Variants in POU2F1 observed in about 807,000 individuals in gnomAD.
POU2F1 encodes POU domain, class 2, transcription factor 1.
POU2F1 carries 16 observed loss-of-function variants against 84.9 expected under a neutral mutation model. The observed-to-expected ratio is 0.19, with a 90% CI of 0.13 to 0.29. The LOEUF (loss-of-function observed/expected upper bound fraction) is 0.29, where lower values mean the gene tolerates loss of function less well. Among genes scored for constraint, POU2F1 ranks in the 10% least tolerant of loss-of-function variants. POU2F1 has a pLI of 1.00. For synonymous variants in POU2F1, 368 were observed against 368.3 expected (o/e 1.00, Z 0.01); for missense variants, 738 against 942.6 (o/e 0.78, Z 2.84).
intron 2 of POU2F1, among the ~76,000 whole-genome samples, chr1:167,358,738 G>GA (rs1553214033): frequency 0.036 from 180 of 5,042 alleles, 6 homozygotes; most frequent in African/African-American, 0.075. Context: ...TTTTTTTTTT[G>GA]AGACAGGTTC....
At chr1:167,322,651 G>A (rs1011637391) in intron 1 of POU2F1, among the ~76,000 whole-genome samples, 11 of 152,242 alleles carry the variant, frequency 7.2e-5, no homozygotes, top group Admixed American at 2.0e-4. Context: ...ACCCAGTGGC[G>A]CTAGAGGAAT....
intron 1 of POU2F1, among the ~76,000 whole-genome samples, chr1:167,304,902 AT>A (rs1404289611): frequency 1.3e-5 from 2 of 152,212 alleles, no homozygotes; most frequent in Non-Finnish European, 2.9e-5. Flanking sequence ...ATGAAAAAAA[AT>A]GATGTTATAG....
In POU2F1 at chr1:167,255,723, A is replaced by G. The variant is rs373275556; in HGVS notation, c.61+34765A>G. ...AGGAAGAGGATTGGAAAAAAGAACC[A>G]TAAGGAGGTGGAATCTTTGAGAATC... is the stretch of plus-strand genomic sequence containing the variant. On this transcript the variant is annotated intron_variant, in intron 1 of 15. Transcript: ENST00000367866. Among the ~76,000 whole-genome samples the G allele has an allele frequency of 1.7e-4, 26 of 152,260 alleles. No homozygotes were observed. The East Asian group carries it at 3.5e-3, about 20-fold the overall frequency.
intron 2 of POU2F1, among the ~76,000 whole-genome samples, chr1:167,357,801 A>ATTTTTT (rs71572451): frequency 1.7e-5 from 2 of 119,222 alleles, no homozygotes; most frequent in Non-Finnish European, 3.5e-5. Flanking sequence ...TTATTAATTG[A>ATTTTTT]TTTTTTTTTT....
At chr1:167,345,282 T>G (rs1357756090) in intron 2 of POU2F1, among the ~76,000 whole-genome samples, 1 of 152,146 alleles carries the variant, frequency 6.6e-6, no homozygotes, top group Non-Finnish European at 1.5e-5. Flanking sequence ...AGAAGATTCC[T>G]TTTTTTGTTG....
chr1:167,324,477 A>G (rs1323617785), intron 1 of POU2F1, among the ~76,000 whole-genome samples: 1 of 151,388 alleles, frequency 6.6e-6, no homozygotes, highest in African/African-American at 2.5e-5. Context: ...TGGTGAATGA[A>G]TGTGTATTTA....
rs117098884 is a variant in POU2F1 at position 167,391,944 on chromosome 1, G to A, written c.987+2183G>A. Among the ~76,000 whole-genome samples the A allele has an allele frequency of 3.1e-3, 475 of 152,234 alleles. 22 individuals are homozygous for A. In the East Asian group the frequency reaches 0.082, roughly 26 times the overall value. The stretch of plus-strand genomic sequence containing the variant: ...ATGTAATGATTTTTTAAATAGGCAT[G>A]ATTTTAGAGGAAATACAGTTACATT... On this transcript the variant is annotated intron_variant, in intron 9 of 15. Transcript: ENST00000367866.
At chr1:167,365,784 T>C (rs1169796214) in intron 3 of POU2F1, among the ~76,000 whole-genome samples, 1 of 152,244 alleles carries the variant, frequency 6.6e-6, no homozygotes, top group Admixed American at 6.5e-5. Flanking sequence ...ACAAAAGAAT[T>C]CCTTGTTGTG....
intron 1 of POU2F1, among the ~76,000 whole-genome samples, chr1:167,287,674 T>A (rs1653629476): frequency 6.6e-6 from 1 of 152,100 alleles, no homozygotes; most frequent in Non-Finnish European, 1.5e-5. Flanking sequence ...TAGAATGAGG[T>A]TCAAAATGAA....
chr1:167,250,506 T>G (rs1169308210), intron 1 of POU2F1, among the ~76,000 whole-genome samples: 1 of 152,200 alleles, frequency 6.6e-6, no homozygotes, highest in Non-Finnish European at 1.5e-5. Context: ...ACAGGAACAT[T>G]AGAGAAAAAA....
At chr1:167,221,318 C>T (rs1049537782) in intron 1 of POU2F1, among the ~76,000 whole-genome samples, 7 of 150,276 alleles carry the variant, frequency 4.7e-5, no homozygotes, top group Non-Finnish European at 8.9e-5. Context: ...GGGTCCGCGG[C>T]GGGGCGGCGG....
intron 1 of POU2F1, among the ~76,000 whole-genome samples, chr1:167,248,081 T>C (rs1267053392): frequency 6.6e-6 from 1 of 152,222 alleles, no homozygotes; most frequent in African/African-American, 2.4e-5. Context: ...TGTTATCAGA[T>C]TTATTTTGGA....
intron 1 of POU2F1, among the ~76,000 whole-genome samples, chr1:167,255,046 C>G (rs1181559994): frequency 6.6e-6 from 1 of 152,120 alleles, no homozygotes; most frequent in Non-Finnish European, 1.5e-5. Flanking sequence ...CTAGGAGATT[C>G]TTGTTTGGTA....
At chr1:167,363,915 A>G (rs750198973) in intron 2 of POU2F1, among the ~76,000 whole-genome samples, 6 of 152,192 alleles carry the variant, frequency 3.9e-5, no homozygotes, top group Non-Finnish European at 8.8e-5. Context: ...TCTTACAAAC[A>G]CTGCTGTAAG....
At chr1:167,249,055 G>A (rs1650538639) in intron 1 of POU2F1, among the ~76,000 whole-genome samples, 1 of 152,246 alleles carries the variant, frequency 6.6e-6, no homozygotes, top group East Asian at 1.9e-4. Context: ...AGTACCTGGG[G>A]TGAGAAAACC....
At chr1:167,396,636 T>C (rs1648825170) in intron 10 of POU2F1, 1 of 525,536 alleles carries the variant, frequency 1.9e-6, no homozygotes, top group African/African-American at 1.9e-5. Flanking sequence ...TATAAATAAT[T>C]AGCCGTAATT....
intron 1 of POU2F1, among the ~76,000 whole-genome samples, chr1:167,264,398 T>C (rs1401438785): frequency 6.6e-6 from 1 of 152,068 alleles, no homozygotes; most frequent in Admixed American, 6.5e-5. Flanking sequence ...ACCTCAAAGG[T>C]CAGTGTGGCC....
At chr1:167,407,509 A>G (rs1649665111) in intron 13 of POU2F1, among the ~76,000 whole-genome samples, 1 of 152,246 alleles carries the variant, frequency 6.6e-6, no homozygotes, top group South Asian at 2.1e-4. Context: ...ACTGTAAAGC[A>G]ACAATAATCA....
intron 1 of POU2F1, among the ~76,000 whole-genome samples, chr1:167,278,016 C>T (rs113185787): frequency 3.3e-5 from 5 of 152,220 alleles, no homozygotes; most frequent in African/African-American, 1.2e-4. Context: ...GTACTGTATC[C>T]TATGAAAACA....
Sources: gnomAD v4.1 joint callset for allele counts (sites outside exome capture counted in the v4.1 genomes callset) on GRCh38, gnomAD v4.1.1 for gene constraint, MANE v1.5 for transcripts, NCBI Gene and HGNC (gene_info 2026-07-23, HGNC 2026-07-21) for gene names.